Variants in DOK6 observed in about 807,000 individuals in gnomAD.
DOK6 encodes the protein downstream of tyrosine kinase 6.
DOK6 carries 22 observed loss-of-function variants against 44.0 expected under a neutral mutation model. That is an observed-to-expected ratio of 0.50 (90% CI 0.36 to 0.71). The LOEUF (loss-of-function observed/expected upper bound fraction) is 0.71, where lower values mean the gene tolerates loss of function less well. Among genes scored for constraint, DOK6 ranks in the 30% least tolerant of loss-of-function variants. The probability of loss-of-function intolerance (pLI) is 0.00; values close to 1 mark genes in which losing one functional copy is unlikely to be tolerated. For missense variants in DOK6, 340 were observed against 416.4 expected (o/e 0.82, Z 1.60); for synonymous variants, 166 against 145.5 (o/e 1.14, Z -1.01).
At position 69,554,272 on chromosome 18, in the gene DOK6, T is replaced by C. The variant is rs545810952; in HGVS notation, c.67-10215T>C. 2.0e-5 allele frequency among the ~76,000 whole-genome samples: 3 copies of C among 152,268 alleles called. No individual in the cohort carries two copies. The East Asian group carries it at 5.8e-4, about 29-fold the overall frequency. ...AGAAACCCCAATCCCAATACATTCC[T>C]TCCCATTCACACCAGGACCTCCCAC... On this transcript the variant is annotated intron_variant, in intron 1 of 7. Coordinates refer to ENST00000382713, the MANE Select transcript of DOK6 (RefSeq NM_152721.6).
At chr18:69,452,317 A>C (rs866742080) in intron 1 of DOK6, among the ~76,000 whole-genome samples, 1,907 of 151,330 alleles carry the variant, frequency 0.013, 34 homozygotes, top group African/African-American at 0.043. Context: ...ATCTAGAAGA[A>C]ATGGATACAT....
chr18:69,693,915 C>T lies in DOK6; in HGVS notation c.410-4489C>T, dbSNP rs894997276. 5.3e-4 allele frequency among the ~76,000 whole-genome samples: 80 copies of T among 151,680 alleles called. 1 individual carries two copies. The highest frequency in any genetic ancestry group is 1.4e-3 in the African/African-American group (59 of 41,346). On this transcript the variant is annotated intron_variant, in intron 4 of 7. Coordinates refer to ENST00000382713, the MANE Select transcript of DOK6 (RefSeq NM_152721.6). ...CTACTAAAAATACAAAAAAATTAGC[C>T]GGGCGTGGTGGCGGGCGCCTGTAGT...
chr18:69,450,847 G>A (rs1384683126), intron 1 of DOK6, among the ~76,000 whole-genome samples: 2 of 147,920 alleles, frequency 1.4e-5, no homozygotes, highest in Middle Eastern at 3.2e-3. Context: ...ATACTTTACA[G>A]ACAAGCAAAT....
intron 1 of DOK6, among the ~76,000 whole-genome samples, chr18:69,554,385 A>G (rs1982638806): frequency 6.6e-6 from 1 of 152,218 alleles, no homozygotes; most frequent in African/African-American, 2.4e-5. Flanking sequence ...TGAACAGTGT[A>G]GTTGAGTTTT....
chr18:69,573,105 C>T (rs1333315590), intron 2 of DOK6, among the ~76,000 whole-genome samples: 1 of 151,434 alleles, frequency 6.6e-6, no homozygotes, highest in Non-Finnish European at 1.5e-5. Flanking sequence ...TTGGCCTTGA[C>T]AGAACCTGGG....
chr18:69,635,129 G>A (rs1984773819), intron 3 of DOK6, among the ~76,000 whole-genome samples: 2 of 152,180 alleles, frequency 1.3e-5, no homozygotes, highest in African/African-American at 2.4e-5. Context: ...TCTGCTCCAT[G>A]GCTTTCCTGT....
At chr18:69,772,479 T>C (rs1979916749) in intron 7 of DOK6, among the ~76,000 whole-genome samples, 1 of 151,982 alleles carries the variant, frequency 6.6e-6, no homozygotes, top group Non-Finnish European at 1.5e-5. Context: ...CTCCAATAAT[T>C]AAAGCAATAT....
chr18:69,833,146 G>A (rs8093296), intron 7 of DOK6, among the ~76,000 whole-genome samples: 7,513 of 152,102 alleles, frequency 0.049, 254 homozygotes, highest in Non-Finnish European at 0.07. Context: ...AGACATCACA[G>A]TATCCCAATT....
chr18:69,480,064 T>A (rs1412837462), intron 1 of DOK6, among the ~76,000 whole-genome samples: 1 of 152,148 alleles, frequency 6.6e-6, no homozygotes, highest in African/African-American at 2.4e-5. Context: ...GGCATATTAA[T>A]AAAACTGAAT....
intron 3 of DOK6, among the ~76,000 whole-genome samples, chr18:69,635,147 G>A (rs371240480): frequency 2.1e-3 from 321 of 152,240 alleles, no homozygotes; most frequent in Middle Eastern, 0.01. Flanking sequence ...TGTTGACACC[G>A]GGGCTTAGAA....
At chr18:69,444,909 T>A (rs1249135630) in intron 1 of DOK6, among the ~76,000 whole-genome samples, 2 of 152,172 alleles carry the variant, frequency 1.3e-5, no homozygotes, top group East Asian at 1.9e-4. Context: ...ATTCTGTAGA[T>A]CACTTGTGGC....
At chr18:69,554,343 CT>C (rs1982637688) in intron 1 of DOK6, among the ~76,000 whole-genome samples, 1 of 152,210 alleles carries the variant, frequency 6.6e-6, no homozygotes, top group Non-Finnish European at 1.5e-5. Flanking sequence ...CTTTCTCACT[CT>C]TTATACACTT....
intron 1 of DOK6, among the ~76,000 whole-genome samples, chr18:69,520,190 CAAT>C (rs1568283826): frequency 6.6e-6 from 1 of 151,674 alleles, no homozygotes; most frequent in African/African-American, 2.4e-5. Flanking sequence ...TAGTTACCCT[CAAT>C]GATGTTCCTG....
chr18:69,828,026 T>C (rs892260088), intron 7 of DOK6, among the ~76,000 whole-genome samples: 10 of 152,054 alleles, frequency 6.6e-5, no homozygotes, highest in African/African-American at 2.4e-4. Context: ...GCTCACTTTA[T>C]GGTTCAGATC....
At chr18:69,806,183 T>C (rs920100629) in intron 7 of DOK6, among the ~76,000 whole-genome samples, 1 of 152,088 alleles carries the variant, frequency 6.6e-6, no homozygotes. Context: ...TGTTCTATTA[T>C]AATTAGTATA....
intron 1 of DOK6, among the ~76,000 whole-genome samples, chr18:69,410,357 C>T (rs11662526): frequency 0.056 from 8,566 of 152,284 alleles, 274 homozygotes; most frequent in Middle Eastern, 0.12. Flanking sequence ...CCCTCAAGTG[C>T]TTTTAATGTG....
intron 1 of DOK6, among the ~76,000 whole-genome samples, chr18:69,401,635 C>CTA (rs1346472163): frequency 6.6e-6 from 1 of 152,016 alleles, no homozygotes; most frequent in African/African-American, 2.4e-5. Flanking sequence ...CTTTGCGGTG[C>CTA]TATCCACGAT....
At chr18:69,625,613 T>C (rs969607087) in intron 3 of DOK6, among the ~76,000 whole-genome samples, 1 of 152,352 alleles carries the variant, frequency 6.6e-6, no homozygotes. Context: ...TCAAGTCTTA[T>C]GAAGTCTGTT....
At chr18:69,557,251 G>A (rs764929615) in intron 1 of DOK6, among the ~76,000 whole-genome samples, 4 of 152,064 alleles carry the variant, frequency 2.6e-5, no homozygotes, top group Admixed American at 6.6e-5. Flanking sequence ...AAATTCTTCC[G>A]AGTTTCTAAC....
Sources: gnomAD v4.1 joint callset for allele counts (sites outside exome capture counted in the v4.1 genomes callset) on GRCh38, gnomAD v4.1.1 for gene constraint, MANE v1.5 for transcripts, NCBI Gene and HGNC (gene_info 2026-07-23, HGNC 2026-07-21) for gene names.